The following CADM1 variants were observed in gnomAD, a reference collection of about 807,000 sequenced individuals.
The protein encoded by CADM1 is cell adhesion molecule 1, also known as TSLC-1.
In CADM1, 15 loss-of-function variants were observed where a neutral mutation model predicts 53.1. The ratio of observed to expected loss-of-function variants is 0.28; its 90% confidence interval spans 0.19 to 0.44. The LOEUF is 0.44. Among genes scored for constraint, CADM1 ranks in the 20% least tolerant of loss-of-function variants. The pLI, the probability that CADM1 is intolerant of heterozygous loss-of-function variation, is 1.00. For synonymous variants in CADM1, 281 were observed against 243.0 expected (o/e 1.16, Z -1.45); for missense variants, 434 against 611.3 (o/e 0.71, Z 3.06).
Position 115,169,554 on chromosome 11 carries a change from T to A in CADM1, c.*6920A>T, listed in dbSNP as rs1938723000. The A allele has an allele frequency of 2.2e-6, 1 of 455,094 alleles. No individual in the cohort carries two copies. The highest frequency in any genetic ancestry group is 2.4e-5 in the Admixed American group (1 of 42,170). 28.2% of individuals were successfully genotyped at this position (455,094 alleles called of 1,614,324 possible). A position where few individuals can be genotyped will look rare whatever the true frequency, so the allele number is the denominator to read the frequency against. The stretch of plus-strand genomic sequence containing the variant: ...CTTCCTTGTCCAAACGATAAAAGAT[T>A]CATGTTCCTAATTGCAACACTATAG... On this transcript the variant is annotated 3_prime_UTR_variant, in exon 12 of 12. Coordinates refer to ENST00000331581, the MANE Select transcript of CADM1 (RefSeq NM_001301043.2).
chr11:115,393,392 GA>G (rs1454478223), intron 1 of CADM1, among the ~76,000 whole-genome samples: 1 of 151,092 alleles, frequency 6.6e-6, no homozygotes, highest in Non-Finnish European at 1.5e-5. Flanking sequence ...TTTAGAATTA[GA>G]AAAAAATTTT....
At chr11:115,202,997 T>TG (rs1187617220) in intron 8 of CADM1, among the ~76,000 whole-genome samples, 1 of 151,250 alleles carries the variant, frequency 6.6e-6, no homozygotes, top group Non-Finnish European at 1.5e-5. Context: ...CAAACTCCCC[T>TG]GTCTTAGGGA....
At chr11:115,409,197 A>G (rs1483145262) in intron 1 of CADM1, among the ~76,000 whole-genome samples, 1 of 152,240 alleles carries the variant, frequency 6.6e-6, no homozygotes, top group African/African-American at 2.4e-5. Flanking sequence ...CAAGTCAAGA[A>G]TATAATAAAG....
chr11:115,225,876 T>G (rs1415866554), intron 5 of CADM1, among the ~76,000 whole-genome samples: 2 of 152,218 alleles, frequency 1.3e-5, no homozygotes, highest in Admixed American at 6.5e-5. Flanking sequence ...CCTATTCATG[T>G]CCTGGTTAAC....
chr11:115,442,482 T>G (rs181621131), intron 1 of CADM1, among the ~76,000 whole-genome samples: 16 of 152,292 alleles, frequency 1.1e-4, no homozygotes, highest in African/African-American at 3.6e-4. Context: ...TCTCCATCAG[T>G]GCAGGTACAT....
At chr11:115,482,965 G>C (rs1023343323) in intron 1 of CADM1, among the ~76,000 whole-genome samples, 1 of 152,076 alleles carries the variant, frequency 6.6e-6, no homozygotes, top group African/African-American at 2.4e-5. Context: ...ACTGTCATTG[G>C]GCAAGCAGTG....
chr11:115,313,343 T>C (rs893977960), intron 1 of CADM1, among the ~76,000 whole-genome samples: 1 of 152,146 alleles, frequency 6.6e-6, no homozygotes, highest in Admixed American at 6.6e-5. Context: ...CAAATGTTAA[T>C]TTATCACTTC....
At chr11:115,359,072 A>G (rs769012058) in intron 1 of CADM1, among the ~76,000 whole-genome samples, 1 of 152,210 alleles carries the variant, frequency 6.6e-6, no homozygotes, top group Non-Finnish European at 1.5e-5. Context: ...ATGCATTACC[A>G]TCTTGTTAAT....
chr11:115,406,706 G>A (rs567366593), intron 1 of CADM1, among the ~76,000 whole-genome samples: 5 of 151,118 alleles, frequency 3.3e-5, no homozygotes, highest in African/African-American at 7.3e-5. Context: ...CAGCACTTTC[G>A]GAGGCCGAGG....
intron 1 of CADM1, among the ~76,000 whole-genome samples, chr11:115,494,149 A>C (rs1337925630): frequency 6.6e-6 from 1 of 152,048 alleles, no homozygotes; most frequent in African/African-American, 2.4e-5. Context: ...GAGAGAGAGA[A>C]AGCAAATGGG....
At chr11:115,329,240 A>G (rs950012467) in intron 1 of CADM1, among the ~76,000 whole-genome samples, 3 of 152,178 alleles carry the variant, frequency 2.0e-5, no homozygotes, top group African/African-American at 7.2e-5. Context: ...GTAGTGTGGT[A>G]TATCAGTACC....
intron 10 of CADM1, among the ~76,000 whole-genome samples, chr11:115,190,234 C>A (rs1939780149): frequency 6.6e-6 from 1 of 152,160 alleles, no homozygotes; most frequent in Non-Finnish European, 1.5e-5. Flanking sequence ...CACTTTAAAT[C>A]TCCTCCCTCC....
chr11:115,336,592 C>T (rs1438100607), intron 1 of CADM1, among the ~76,000 whole-genome samples: 2 of 151,970 alleles, frequency 1.3e-5, no homozygotes, highest in African/African-American at 2.4e-5. Flanking sequence ...TTGGTTTCTA[C>T]CCTTTCTGAA....
chr11:115,501,487 TAAAC>T (rs1467217728), intron 1 of CADM1, among the ~76,000 whole-genome samples: 1 of 152,156 alleles, frequency 6.6e-6, no homozygotes, highest in Non-Finnish European at 1.5e-5. Context: ...CTCGGGATCG[TAAAC>T]AACATCATGC....
chr11:115,279,026 G>A (rs1943518767), intron 1 of CADM1, among the ~76,000 whole-genome samples: 1 of 152,146 alleles, frequency 6.6e-6, no homozygotes, highest in East Asian at 1.9e-4. Flanking sequence ...CATTTTCCAA[G>A]TGAGCTCAAG....
chr11:115,200,630 G>A (rs1402543614), intron 8 of CADM1, among the ~76,000 whole-genome samples: 3 of 152,152 alleles, frequency 2.0e-5, no homozygotes, highest in African/African-American at 7.2e-5. Context: ...CGAGTAGCTG[G>A]GATTACTGGC....
At chr11:115,362,710 A>G (rs756066787) in intron 1 of CADM1, among the ~76,000 whole-genome samples, 5 of 152,172 alleles carry the variant, frequency 3.3e-5, no homozygotes, top group Non-Finnish European at 7.3e-5. Flanking sequence ...GATTAAAAGC[A>G]AAGGAAAAAA....
chr11:115,448,312 A>G (rs1281263798), intron 1 of CADM1, among the ~76,000 whole-genome samples: 4 of 152,158 alleles, frequency 2.6e-5, no homozygotes, highest in African/African-American at 9.7e-5. Flanking sequence ...GAAAAGTGTG[A>G]ATAAGTTAGT....
intron 1 of CADM1, among the ~76,000 whole-genome samples, chr11:115,311,993 C>G (rs1220175443): frequency 6.6e-6 from 1 of 152,104 alleles, no homozygotes; most frequent in Non-Finnish European, 1.5e-5. Flanking sequence ...GTTTCTTCAT[C>G]TTTTAATTTG....
Sources: allele counts gnomAD v4.1 joint callset (sites outside exome capture counted in the v4.1 genomes callset), GRCh38; gene constraint gnomAD v4.1.1; transcripts MANE v1.5; gene names NCBI Gene and HGNC (gene_info 2026-07-23, HGNC 2026-07-21).